Variants in POU6F2 observed in about 807,000 individuals in gnomAD.
POU6F2 encodes POU domain, class 6, transcription factor 2.
Under a neutral mutation model 71.3 loss-of-function variants are expected in POU6F2, and 31 were observed. That is an observed-to-expected ratio of 0.43 (90% CI 0.33 to 0.59). The LOEUF (loss-of-function observed/expected upper bound fraction) is 0.59. Ranked by LOEUF, POU6F2 falls within the 20% of genes least tolerant of loss-of-function variation. The probability of loss-of-function intolerance (pLI) is 0.04; values close to 1 mark genes in which losing one functional copy is unlikely to be tolerated. For synonymous variants in POU6F2, 347 were observed against 355.7 expected, an observed-to-expected ratio of 0.98 and a Z score of 0.27; for missense variants, 783 against 856.8, an observed-to-expected ratio of 0.91 and a Z score of 1.07.
At chr7:39,086,275 C>A (rs952169029) in intron 2 of POU6F2, among the ~76,000 whole-genome samples, 5 of 152,066 alleles carry the variant, frequency 3.3e-5, no homozygotes, top group African/African-American at 1.2e-4. Flanking sequence ...TGCTAGAGTC[C>A]CCAGGCTGGA....
intron 1 of POU6F2, among the ~76,000 whole-genome samples, chr7:39,055,629 T>C (rs929061090): frequency 1.3e-5 from 2 of 152,154 alleles, no homozygotes; most frequent in African/African-American, 4.8e-5. Flanking sequence ...TTTCATTCTT[T>C]TTTTGTCTAG....
chr7:39,134,848 G>A (rs568024347), intron 2 of POU6F2, among the ~76,000 whole-genome samples: 11 of 152,242 alleles, frequency 7.2e-5, no homozygotes, highest in Admixed American at 4.6e-4. Flanking sequence ...TAAAAGCTTC[G>A]CAAGTGCATT....
At chr7:39,274,918 T>C (rs1182700003) in intron 4 of POU6F2, among the ~76,000 whole-genome samples, 1 of 151,822 alleles carries the variant, frequency 6.6e-6, no homozygotes. Flanking sequence ...ATAAGAGCTA[T>C]CTATGACAAA....
At chr7:39,166,032 A>G (rs1204613379) in intron 2 of POU6F2, among the ~76,000 whole-genome samples, 1 of 152,114 alleles carries the variant, frequency 6.6e-6, no homozygotes, top group Non-Finnish European at 1.5e-5. Flanking sequence ...CTGTCATTGC[A>G]CCTCACTACT....
chr7:39,378,667 C>T (rs1357769924), intron 5 of POU6F2, among the ~76,000 whole-genome samples: 1 of 152,192 alleles, frequency 6.6e-6, no homozygotes, highest in East Asian at 1.9e-4. Context: ...CTTTCTCCAA[C>T]ATTGTAATAT....
intron 5 of POU6F2, among the ~76,000 whole-genome samples, chr7:39,378,616 T>G (rs1342024768): frequency 6.6e-6 from 1 of 152,208 alleles, no homozygotes; most frequent in Non-Finnish European, 1.5e-5. Context: ...TTTCTGCTTC[T>G]GAAAAATGAG....
intron 5 of POU6F2, among the ~76,000 whole-genome samples, chr7:39,392,463 G>A (rs925646382): frequency 6.6e-5 from 10 of 152,196 alleles, no homozygotes; most frequent in African/African-American, 1.4e-4. Flanking sequence ...GAAGCTGAGC[G>A]TTCTTGGAAC....
intron 8 of POU6F2, among the ~76,000 whole-genome samples, chr7:39,452,537 T>C (rs897875022): frequency 2.0e-5 from 3 of 152,190 alleles, no homozygotes; most frequent in African/African-American, 7.2e-5. Context: ...TGCCATAAAA[T>C]GAGGACATGT....
intron 7 of POU6F2, among the ~76,000 whole-genome samples, chr7:39,441,151 G>A (rs1788394199): frequency 6.6e-6 from 1 of 151,940 alleles, no homozygotes; most frequent in South Asian, 2.1e-4. Context: ...GACAACCCCT[G>A]TTGGAGGGAC....
At chr7:39,237,034 T>C (rs1794687358) in intron 4 of POU6F2, among the ~76,000 whole-genome samples, 1 of 152,166 alleles carries the variant, frequency 6.6e-6, no homozygotes, top group Non-Finnish European at 1.5e-5. Context: ...ATCCCAGCAG[T>C]GTCTCAGGGG....
At chr7:39,153,718 A>T (rs1562725668) in intron 2 of POU6F2, among the ~76,000 whole-genome samples, 1 of 152,130 alleles carries the variant, frequency 6.6e-6, no homozygotes, top group African/African-American at 2.4e-5. Context: ...TTTTCCCTTC[A>T]TCTCTGTACG....
intron 4 of POU6F2, among the ~76,000 whole-genome samples, chr7:39,252,290 C>T (rs968053596): frequency 5.9e-5 from 9 of 151,436 alleles, no homozygotes; most frequent in African/African-American, 1.7e-4. Context: ...AAGAGGACCC[C>T]GAAGATGTTG....
intron 2 of POU6F2, among the ~76,000 whole-genome samples, chr7:39,179,024 T>A (rs749302920): frequency 1.3e-5 from 2 of 152,182 alleles, no homozygotes; most frequent in Non-Finnish European, 2.9e-5. Context: ...GCTCTGGAGC[T>A]CTTCTGGAAG....
At chr7:39,197,399 T>G (rs1430838170) in intron 2 of POU6F2, among the ~76,000 whole-genome samples, 1 of 152,242 alleles carries the variant, frequency 6.6e-6, no homozygotes, top group Non-Finnish European at 1.5e-5. Context: ...AAGGAGGGAT[T>G]GATTTACCAG....
At chr7:39,276,750 T>A (rs969989482) in intron 4 of POU6F2, among the ~76,000 whole-genome samples, 17 of 152,016 alleles carry the variant, frequency 1.1e-4, no homozygotes, top group Admixed American at 7.9e-4. Flanking sequence ...ATGTCCTTTG[T>A]AGGGACATGG....
chr7:39,011,992 A>G (rs535300557), intron 1 of POU6F2, among the ~76,000 whole-genome samples: 2 of 152,130 alleles, frequency 1.3e-5, no homozygotes, highest in African/African-American at 4.8e-5. Context: ...GAAACTGACA[A>G]TTATGTGTCT....
intron 5 of POU6F2, among the ~76,000 whole-genome samples, chr7:39,384,009 A>G (rs968861938): frequency 6.6e-6 from 1 of 152,232 alleles, no homozygotes; most frequent in African/African-American, 2.4e-5. Context: ...ATAAATGGCA[A>G]CCCAGATAGG....
rs989314620 is a variant in POU6F2, at chr7:39,331,663, A to G, written c.599-7979A>G. On this transcript the variant is annotated intron_variant, in intron 4 of 9. Coordinates refer to ENST00000518318, the MANE Select transcript of POU6F2 (RefSeq NM_001370959.1). Reference sequence around the variant, plus strand: ...GCTGGGACTACAGGCACACGCCACCACGCCCAGCTAATTTTTGTATATTTT... The same window carrying G: ...GCTGGGACTACAGGCACACGCCACCGCGCCCAGCTAATTTTTGTATATTTT... Among the ~76,000 whole-genome samples, 6 of 152,016 alleles carry G rather than the reference A, an allele frequency of 3.9e-5. No individual in the cohort carries two copies. The East Asian group carries it at 9.7e-4, about 25-fold the overall frequency.
chr7:39,465,091 A>G lies in POU6F2; in HGVS notation c.*405A>G, dbSNP rs1239393737. The G allele has an allele frequency of 1.2e-5, 2 of 169,382 alleles. No individual in the cohort carries two copies. Among genetic ancestry groups the G allele is most frequent in the African/African-American group, 4.8e-5 (2 of 41,694 alleles). 10.5% of individuals were successfully genotyped at this position (169,382 alleles called of 1,614,324 possible). On this transcript the variant is annotated 3_prime_UTR_variant, in exon 10 of 10. Transcript: ENST00000518318. Reference sequence around the variant, plus strand: ...AAAAAGAAAAAAAAAAACTAAACCAAAAACCAACAACGAAGGAACAAAAAC... The same window carrying G: ...AAAAAGAAAAAAAAAAACTAAACCAGAAACCAACAACGAAGGAACAAAAAC...
Sources: gnomAD v4.1 joint callset for allele counts (sites outside exome capture counted in the v4.1 genomes callset) on GRCh38, gnomAD v4.1.1 for gene constraint, MANE v1.5 for transcripts, NCBI Gene and HGNC (gene_info 2026-07-23, HGNC 2026-07-21) for gene names.